The following AOPEP variants were observed in gnomAD, a reference collection of about 807,000 sequenced individuals.
AOPEP encodes the protein aminopeptidase O (putative).
A neutral mutation model predicts 98.1 loss-of-function variants in AOPEP; 77 were observed. That is an observed-to-expected ratio of 0.78 (90% CI 0.65 to 0.95). The LOEUF is 0.95. Among genes scored for constraint, AOPEP ranks in the 40% least tolerant of loss-of-function variants. The pLI is 0.00. For synonymous variants in AOPEP, 346 were observed against 365.3 expected, an observed-to-expected ratio of 0.95 and a Z score of 0.60; for missense variants, 1,024 against 1,024.7, an observed-to-expected ratio of 1.00 and a Z score of 0.01.
intron 10 of AOPEP, among the ~76,000 whole-genome samples, chr9:94,978,029 AAATC>A (rs1176425045): frequency 6.6e-6 from 1 of 152,158 alleles, no homozygotes; most frequent in Admixed American, 6.5e-5. Flanking sequence ...AAGGAAGAGA[AAATC>A]AGTCAGTCCC....
At chr9:94,916,532 C>T (rs148113319) in intron 5 of AOPEP, among the ~76,000 whole-genome samples, 2,385 of 151,906 alleles carry the variant, frequency 0.016, 63 homozygotes, top group African/African-American at 0.055. Context: ...GTGAAACTCC[C>T]GTCTCTACTA....
chr9:95,129,970 TAGAA>T, the AOPEP span, among the ~76,000 whole-genome samples: 1 of 152,098 alleles, frequency 6.6e-6, no homozygotes, highest in Non-Finnish European at 1.5e-5. Context: ...CCCCTCCACC[TAGAA>T]AGAAAGCCCA....
rs532197783 is a variant in AOPEP at position 94,769,686 on chromosome 9, C to A, written c.798-3316C>A. ...GTTAGACTTTAGCAGAAAAGATAAC[C>A]CAGCCATGGAAAGAGGAGGGTGGGA... On this transcript the variant is annotated intron_variant, in intron 2 of 16. Transcript: ENST00000375315. Among the ~76,000 whole-genome samples, 7 of 152,156 alleles carry A rather than the reference C, an allele frequency of 4.6e-5. No homozygotes were observed. In the South Asian group the frequency reaches 1.2e-3, roughly 27 times the overall value.
chr9:94,970,408 C>T (rs1187191761), intron 10 of AOPEP, among the ~76,000 whole-genome samples: 1 of 149,176 alleles, frequency 6.7e-6, no homozygotes, highest in Admixed American at 6.6e-5. Context: ...GATCTTACTT[C>T]ACTAATGTGT....
chr9:95,107,372 G>A, the AOPEP span: 6 of 1,274,894 alleles, frequency 4.7e-6, no homozygotes, highest in East Asian at 2.5e-5. Context: ...AAACGGGTAA[G>A]CACTGGCCCC....
chr9:94,752,046 A>G (rs1357636171), intron 1 of AOPEP, among the ~76,000 whole-genome samples: 2 of 151,804 alleles, frequency 1.3e-5, no homozygotes, highest in Non-Finnish European at 2.9e-5. Context: ...CGTGTACACC[A>G]CCATGTCTGG....
intron 5 of AOPEP, among the ~76,000 whole-genome samples, chr9:94,861,569 A>G (rs2044996388): frequency 6.6e-6 from 1 of 152,116 alleles, no homozygotes; most frequent in South Asian, 2.1e-4. Context: ...AGGTCTCTTC[A>G]CACCTGGCCT....
At chr9:95,038,960 G>A (rs2133524780) in intron 13 of AOPEP, among the ~76,000 whole-genome samples, 1 of 152,192 alleles carries the variant, frequency 6.6e-6, no homozygotes, top group East Asian at 1.9e-4. Context: ...ACATAGGATT[G>A]CCAGTAAATT....
At chr9:94,908,586 C>A (rs1017000160) in intron 5 of AOPEP, among the ~76,000 whole-genome samples, 4 of 152,152 alleles carry the variant, frequency 2.6e-5, no homozygotes, top group African/African-American at 9.7e-5. Context: ...GCTTTGTAAT[C>A]ATCATACACA....
At chr9:94,969,811 G>C (rs954485349) in intron 10 of AOPEP, among the ~76,000 whole-genome samples, 1 of 152,174 alleles carries the variant, frequency 6.6e-6, no homozygotes, top group Non-Finnish European at 1.5e-5. Flanking sequence ...CCTCATTTCT[G>C]ACCCACAGTT....
the AOPEP span, among the ~76,000 whole-genome samples, chr9:95,148,393 T>C: frequency 6.6e-6 from 1 of 152,248 alleles, no homozygotes; most frequent in African/African-American, 2.4e-5. Context: ...AGACAGGCAG[T>C]GGTCAGTCAC....
intron 5 of AOPEP, among the ~76,000 whole-genome samples, chr9:94,849,204 A>G (rs989097764): frequency 1.3e-5 from 2 of 152,228 alleles, no homozygotes; most frequent in African/African-American, 2.4e-5. Flanking sequence ...TTTGTTTAAC[A>G]TGAAATTCTG....
At chr9:95,104,469 C>T in the AOPEP span, among the ~76,000 whole-genome samples, 13 of 152,132 alleles carry the variant, frequency 8.5e-5, no homozygotes, top group Non-Finnish European at 1.6e-4. Flanking sequence ...TGAGGGTTCC[C>T]GTGTGGATCC....
At chr9:95,048,109 T>C (rs1245443303) in intron 13 of AOPEP, among the ~76,000 whole-genome samples, 4 of 152,192 alleles carry the variant, frequency 2.6e-5, no homozygotes, top group Non-Finnish European at 4.4e-5. Flanking sequence ...TAAAAATTTA[T>C]TTATGTATTT....
chr9:95,106,578 C>T, the AOPEP span, among the ~76,000 whole-genome samples: 1 of 152,190 alleles, frequency 6.6e-6, no homozygotes, highest in Admixed American at 6.5e-5. Context: ...TTGACTTGGA[C>T]CGTTTTTTAC....
At chr9:95,092,301 G>GC in the AOPEP span, among the ~76,000 whole-genome samples, 9 of 152,198 alleles carry the variant, frequency 5.9e-5, no homozygotes, top group Middle Eastern at 3.4e-3. Context: ...AAAGACCAGA[G>GC]CCTCCCACCC....
chr9:95,022,589 T>G (rs1180656589), intron 13 of AOPEP, among the ~76,000 whole-genome samples: 4 of 152,186 alleles, frequency 2.6e-5, no homozygotes, highest in Non-Finnish European at 4.4e-5. Context: ...TCCGCCCGCC[T>G]TGGCCTCCCA....
intron 13 of AOPEP, among the ~76,000 whole-genome samples, chr9:95,043,026 A>G (rs1204983472): frequency 6.6e-6 from 1 of 151,968 alleles, no homozygotes; most frequent in African/African-American, 2.4e-5. Context: ...TAATGTCAGC[A>G]CTTTGGGAGA....
At chr9:94,890,906 G>C (rs2048807160) in intron 5 of AOPEP, among the ~76,000 whole-genome samples, 2 of 152,176 alleles carry the variant, frequency 1.3e-5, no homozygotes, top group Admixed American at 1.3e-4. Context: ...TGCTTGAAAA[G>C]AATATGTATT....
Sources: gnomAD v4.1 joint callset for allele counts (sites outside exome capture counted in the v4.1 genomes callset) on GRCh38, gnomAD v4.1.1 for gene constraint, MANE v1.5 for transcripts, NCBI Gene and HGNC (gene_info 2026-07-23, HGNC 2026-07-21) for gene names.